MGAT5: variants seen among roughly 807,000 people sequenced by gnomAD.
MGAT5 encodes alpha-1,6-mannosylglycoprotein 6-beta-N-acetylglucosaminyltransferase A.
Under a neutral mutation model 94.3 loss-of-function variants are expected in MGAT5, and 30 were observed. The observed-to-expected ratio is 0.32, with a 90% CI of 0.24 to 0.43. The LOEUF is 0.43. Ranked by LOEUF, MGAT5 falls within the 20% of genes least tolerant of loss-of-function variation. MGAT5 has a pLI of 1.00. For missense variants in MGAT5, 691 were observed against 905.5 expected (o/e 0.76, Z 3.04); for synonymous variants, 310 against 322.9 (o/e 0.96, Z 0.43).
intron 13 of MGAT5, among the ~76,000 whole-genome samples, chr2:134,423,816 A>G (rs1684431162): frequency 1.3e-5 from 2 of 148,180 alleles, no homozygotes; most frequent in South Asian, 4.4e-4. Flanking sequence ...GCTTAAGTTC[A>G]ATGTCTACTT....
chr2:134,164,428 A>C (rs1338047361), intron 1 of MGAT5, among the ~76,000 whole-genome samples: 1 of 152,146 alleles, frequency 6.6e-6, no homozygotes, highest in Non-Finnish European at 1.5e-5. Context: ...CCAAGGAAGA[A>C]TTGTAGAGGT....
intron 1 of MGAT5, among the ~76,000 whole-genome samples, chr2:134,215,820 T>C (rs758382798): frequency 2.0e-5 from 3 of 152,218 alleles, no homozygotes; most frequent in Non-Finnish European, 4.4e-5. Context: ...TATATAATTG[T>C]ACCAGCAGTG....
intron 1 of MGAT5, among the ~76,000 whole-genome samples, chr2:134,134,394 C>T (rs1036220196): frequency 2.6e-5 from 4 of 152,106 alleles, no homozygotes; most frequent in African/African-American, 4.8e-5. Flanking sequence ...AGCCTGGGAT[C>T]GAGGCTCTAG....
At position 134,413,024 on chromosome 2, in the gene MGAT5, CT is replaced by C. The variant is rs1342293581; in HGVS notation, c.1677+10del. The C allele has an allele frequency of 5.0e-6, 8 of 1,613,752 alleles. No homozygotes were observed. The African/African-American group carries it at 1.1e-4, about 22-fold the overall frequency. On this transcript the variant is annotated intron_variant, in intron 12 of 15. Coordinates refer to ENST00000281923, the MANE Select transcript of MGAT5 (RefSeq NM_002410.5). ...AGCCAACTCTGAGAGAGGTAAGCAT[CT>C]ATCAAAATTATTCCATTTTGAATAA...
chr2:134,276,136 C>A (rs1245762543), intron 2 of MGAT5, among the ~76,000 whole-genome samples: 1 of 151,962 alleles, frequency 6.6e-6, no homozygotes, highest in East Asian at 1.9e-4. Context: ...TTCCCTTTTC[C>A]TAGCAAGGCT....
intron 1 of MGAT5, among the ~76,000 whole-genome samples, chr2:134,131,528 A>C (rs1286929823): frequency 6.6e-6 from 1 of 150,620 alleles, no homozygotes; most frequent in African/African-American, 2.4e-5. Context: ...TGCTTCTGCC[A>C]GGGTGATGAT....
intron 8 of MGAT5, 44 bp from the exon 9 acceptor site, chr2:134,349,761 G>A (rs1477013400): frequency 6.2e-7 from 1 of 1,602,308 alleles, no homozygotes; most frequent in South Asian, 1.1e-5. Context: ...TTTCAACTTT[G>A]GGGGCAAGTA....
At chr2:134,318,848 G>T in intron 4 of MGAT5, 109 bp downstream of exon 4, 2 of 706,966 alleles carry the variant, frequency 2.8e-6, no homozygotes, top group Non-Finnish European at 5.0e-6. Flanking sequence ...TTATGTGGAG[G>T]ACCTATGGTT....
intron 1 of MGAT5, among the ~76,000 whole-genome samples, chr2:134,156,799 A>G (rs557589986): frequency 6.6e-6 from 1 of 152,220 alleles, no homozygotes; most frequent in South Asian, 2.1e-4. Context: ...GGGGCTTTGC[A>G]TGGGCCCTGA....
chr2:134,324,600 A>G (rs1687535377), intron 4 of MGAT5, among the ~76,000 whole-genome samples: 2 of 152,124 alleles, frequency 1.3e-5, no homozygotes, highest in Admixed American at 6.6e-5. Flanking sequence ...AATAACCAGT[A>G]CAATGATTTG....
chr2:134,398,916 G>A (rs989009653), intron 10 of MGAT5, among the ~76,000 whole-genome samples: 7 of 152,294 alleles, frequency 4.6e-5, no homozygotes, highest in Middle Eastern at 3.4e-3. Flanking sequence ...GCTGGGAAAA[G>A]GGGTAGGTGG....
chr2:134,299,479 C>T (rs1685890020), intron 2 of MGAT5, among the ~76,000 whole-genome samples: 1 of 152,152 alleles, frequency 6.6e-6, no homozygotes, highest in South Asian at 2.1e-4. Flanking sequence ...CAACCTTCAT[C>T]AAGTTGAATA....
rs544972994 is a variant in MGAT5, at chr2:134,286,180, C to T, written c.406+15630C>T. Among the ~76,000 whole-genome samples the T allele has an allele frequency of 2.6e-5, 4 of 152,298 alleles. No homozygotes were observed. In the South Asian group the frequency reaches 8.3e-4, roughly 32 times the overall value. On this transcript the variant is annotated intron_variant, in intron 2 of 15. Transcript: ENST00000281923. ...ACCCTTCTTACTGTGGCCCACAGAT[C>T]AAATAGTTTACCATGCTTTTATTCA...
At chr2:134,393,119 A>G (rs1361933063) in intron 10 of MGAT5, among the ~76,000 whole-genome samples, 3 of 152,232 alleles carry the variant, frequency 2.0e-5, no homozygotes, top group African/African-American at 4.8e-5. Context: ...GGCAGGTTTA[A>G]TATTCCTTCA....
At chr2:134,396,506 G>A (rs1240347528) in intron 10 of MGAT5, among the ~76,000 whole-genome samples, 1 of 152,138 alleles carries the variant, frequency 6.6e-6, no homozygotes, top group Admixed American at 6.5e-5. Flanking sequence ...ATAAAAAGGA[G>A]GATGAATCAA....
rs1681275512 is a variant in MGAT5, at chr2:134,377,752, A to G, written c.1380+15344A>G. Among the ~76,000 whole-genome samples, 4 of 152,264 alleles carry G rather than the reference A, an allele frequency of 2.6e-5. 1 individual carries two copies. In the South Asian group the frequency reaches 8.3e-4, roughly 32 times the overall value. On this transcript the variant is annotated intron_variant, in intron 10 of 15. Coordinates refer to ENST00000281923, the MANE Select transcript of MGAT5 (RefSeq NM_002410.5). Reference sequence around the variant, plus strand: ...GTCTTTCAAAGGACTCCCACCATCAAAACTATTAACTCTTTTCATGTTGAG... The same window carrying G: ...GTCTTTCAAAGGACTCCCACCATCAGAACTATTAACTCTTTTCATGTTGAG...
chr2:134,134,075 A>G lies in MGAT5; in HGVS notation c.-143+13784A>G, dbSNP rs185603173. Among the ~76,000 whole-genome samples, 421 of 152,310 alleles carry G rather than the reference A, an allele frequency of 2.8e-3. 4 individuals carry two copies. Among genetic ancestry groups the G allele is most frequent in the African/African-American group, 9.7e-3 (404 of 41,572 alleles). On this transcript the variant is annotated intron_variant, in intron 1 of 16. Coordinates refer to the MGAT5 transcript ENST00000409645. The stretch of plus-strand genomic sequence containing the variant: ...ATGCAAATGGCCACTATCTAGTGCT[A>G]TGTGACTTTTAGCAACAGGGAAGCG...
At chr2:134,440,037 C>T (rs1414929037) in intron 14 of MGAT5, among the ~76,000 whole-genome samples, 1 of 152,216 alleles carries the variant, frequency 6.6e-6, no homozygotes, top group Admixed American at 6.5e-5. Flanking sequence ...CATCTCCTTA[C>T]CACTCCTGGT....
intron 10 of MGAT5, among the ~76,000 whole-genome samples, chr2:134,395,512 A>C (rs1331959887): frequency 6.6e-6 from 1 of 152,224 alleles, no homozygotes; most frequent in Non-Finnish European, 1.5e-5. Flanking sequence ...GTCCCGTTTT[A>C]TGGCTTTGGA....
Sources: gnomAD v4.1 joint callset for allele counts (sites outside exome capture counted in the v4.1 genomes callset) on GRCh38, gnomAD v4.1.1 for gene constraint, MANE v1.5 for transcripts, NCBI Gene and HGNC (gene_info 2026-07-23, HGNC 2026-07-21) for gene names.